Variants in MGAT4C observed in about 807,000 individuals in gnomAD.
MGAT4C encodes the protein alpha-1,3-mannosyl-glycoprotein 4-beta-N-acetylglucosaminyltransferase C.
In MGAT4C, 19 loss-of-function variants were observed where a neutral mutation model predicts 40.1. The observed-to-expected ratio is 0.47, with a 90% confidence interval of 0.33 to 0.70. The LOEUF (loss-of-function observed/expected upper bound fraction) is 0.70. Ranked by LOEUF, MGAT4C falls within the 30% of genes least tolerant of loss-of-function variation. MGAT4C has a pLI of 0.02. For missense variants in MGAT4C, 491 were observed against 563.2 expected (o/e 0.87, Z 1.30); for synonymous variants, 181 against 187.1 (o/e 0.97, Z 0.27).
chr12:86,263,510 A>C (rs561258045), intron 4 of MGAT4C, among the ~76,000 whole-genome samples: 3 of 152,078 alleles, frequency 2.0e-5, no homozygotes, highest in Non-Finnish European at 4.4e-5. Context: ...TCATAATTTC[A>C]TATTTTTTTG....
chr12:85,972,612 C>T lies in MGAT4C; in HGVS notation c.*6677G>A, dbSNP rs142158347. 3.3e-5 allele frequency: 5 copies of T among 151,056 alleles called. No homozygotes were observed. The East Asian group carries it at 5.8e-4, about 18-fold the overall frequency. 9.4% of individuals were successfully genotyped at this position (151,056 alleles called of 1,614,324 possible). The stretch of plus-strand genomic sequence containing the variant: ...AATAACTCCTGACAACTACTGATAT[C>T]GTCACATGGTCCTTTAGTGACCAAA... On this transcript the variant is annotated 3_prime_UTR_variant, in exon 5 of 5. Coordinates refer to ENST00000611864, the MANE Select transcript of MGAT4C (RefSeq NM_001351288.2).
At chr12:86,820,663 T>C (rs2136226184) in intron 1 of MGAT4C, among the ~76,000 whole-genome samples, 1 of 150,912 alleles carries the variant, frequency 6.6e-6, no homozygotes, top group African/African-American at 2.4e-5. Context: ...AATAATAAAG[T>C]GATACATAGA....
At chr12:86,106,345 G>A (rs907443017) in intron 1 of MGAT4C, among the ~76,000 whole-genome samples, 4 of 152,014 alleles carry the variant, frequency 2.6e-5, no homozygotes, top group African/African-American at 7.2e-5. Context: ...CTGTTGCCCC[G>A]GCTGGAGTGC....
At chr12:86,666,721 T>C (rs1027164367) in intron 2 of MGAT4C, among the ~76,000 whole-genome samples, 1 of 152,160 alleles carries the variant, frequency 6.6e-6, no homozygotes, top group African/African-American at 2.4e-5. Flanking sequence ...AGATTTCAAG[T>C]TTTTTTCCTG....
chr12:86,399,496 T>C (rs1406320239), intron 3 of MGAT4C, among the ~76,000 whole-genome samples: 1 of 151,902 alleles, frequency 6.6e-6, no homozygotes, highest in African/African-American at 2.4e-5. Flanking sequence ...TTAGCCAGGA[T>C]GGTCTCCATC....
chr12:86,781,986 CT>C (rs1178110112), intron 1 of MGAT4C, among the ~76,000 whole-genome samples: 2 of 151,694 alleles, frequency 1.3e-5, no homozygotes, highest in African/African-American at 4.8e-5. Context: ...TATTCATAGA[CT>C]TTTTATTTAT....
At chr12:86,319,995 G>C (rs548772146) in intron 4 of MGAT4C, among the ~76,000 whole-genome samples, 16 of 152,200 alleles carry the variant, frequency 1.1e-4, no homozygotes, top group African/African-American at 3.4e-4. Flanking sequence ...CCAGTTCCGT[G>C]GTTCTTATTG....
At chr12:86,537,916 G>A (rs1410107232) in intron 2 of MGAT4C, among the ~76,000 whole-genome samples, 7 of 152,100 alleles carry the variant, frequency 4.6e-5, no homozygotes, top group East Asian at 3.9e-4. Context: ...GCAAAACCCC[G>A]TCTCTACTAA....
Position 85,963,665 on chromosome 12 carries a change from ATAT to A in MGAT4C, c.*15621_*15623del, listed in dbSNP as rs1883224582. 1 of 152,038 alleles carries A rather than the reference ATAT, an allele frequency of 6.6e-6. No homozygotes were observed. Among genetic ancestry groups the A allele is most frequent in the Admixed American group, 6.6e-5 (1 of 15,234 alleles). The allele number at this position is 152,038 out of a possible 1,614,324, so 9.4% of individuals were successfully genotyped here. A position where few individuals can be genotyped will look rare whatever the true frequency, so the allele number is the denominator to read the frequency against. On this transcript the variant is annotated 3_prime_UTR_variant, in exon 5 of 5. Coordinates refer to ENST00000611864, the MANE Select transcript of MGAT4C (RefSeq NM_001351288.2). ...ATAGCCATTGAAAAAATCTGAACAG[ATAT>A]TATTGAGGCTCAAGGTTGTTTAATG...
chr12:86,666,745 T>C (rs930043199), intron 2 of MGAT4C, among the ~76,000 whole-genome samples: 2 of 152,194 alleles, frequency 1.3e-5, no homozygotes, highest in Non-Finnish European at 2.9e-5. Flanking sequence ...TATTATGAGT[T>C]TAGCACACCG....
intron 2 of MGAT4C, among the ~76,000 whole-genome samples, chr12:86,500,793 A>G (rs1958326768): frequency 6.6e-6 from 1 of 152,054 alleles, no homozygotes; most frequent in Admixed American, 6.6e-5. Flanking sequence ...TACAGGTCAG[A>G]ATTTTGCATT....
chr12:86,169,878 A>G (rs1315446164), intron 1 of MGAT4C, among the ~76,000 whole-genome samples: 1 of 152,238 alleles, frequency 6.6e-6, no homozygotes, highest in Non-Finnish European at 1.5e-5. Context: ...AATGAAAAGT[A>G]TATTAAAAAG....
intron 2 of MGAT4C, among the ~76,000 whole-genome samples, chr12:86,702,579 T>G (rs1465513503): frequency 6.6e-6 from 1 of 152,190 alleles, no homozygotes; most frequent in African/African-American, 2.4e-5. Flanking sequence ...CTGCATGTGC[T>G]GTATAAATGG....
intron 3 of MGAT4C, among the ~76,000 whole-genome samples, chr12:86,397,197 T>G (rs1956277961): frequency 3.9e-5 from 6 of 152,140 alleles, no homozygotes; most frequent in Admixed American, 3.9e-4. Flanking sequence ...GAAAATGAGT[T>G]TTTTTCCTTA....
At chr12:86,480,061 A>C (rs1957906754) in intron 2 of MGAT4C, among the ~76,000 whole-genome samples, 1 of 151,842 alleles carries the variant, frequency 6.6e-6, no homozygotes, top group East Asian at 1.9e-4. Flanking sequence ...TTTATGATAA[A>C]ATTTAAAATC....
intron 1 of MGAT4C, among the ~76,000 whole-genome samples, chr12:86,227,227 T>A (rs1951127345): frequency 8.1e-5 from 1 of 12,288 alleles, no homozygotes; most frequent in Admixed American, 7.2e-4. Context: ...TTAGTCTACT[T>A]TTTTTACTTT....
intron 2 of MGAT4C, among the ~76,000 whole-genome samples, chr12:86,714,477 A>G (rs947822333): frequency 6.6e-6 from 1 of 152,006 alleles, no homozygotes; most frequent in Non-Finnish European, 1.5e-5. Flanking sequence ...AGATAATTGA[A>G]TCATGAGGGT....
At chr12:86,125,841 T>A (rs898155789) in intron 1 of MGAT4C, among the ~76,000 whole-genome samples, 1 of 151,946 alleles carries the variant, frequency 6.6e-6, no homozygotes, top group South Asian at 2.1e-4. Context: ...AAGCAATGAG[T>A]GACAGCTGCA....
intron 1 of MGAT4C, among the ~76,000 whole-genome samples, chr12:86,162,006 G>A (rs546987883): frequency 6.6e-5 from 10 of 152,120 alleles, no homozygotes; most frequent in Non-Finnish European, 1.2e-4. Flanking sequence ...AGAGATGCTG[G>A]TGAGGCTGCA....
Sources: allele counts gnomAD v4.1 joint callset (sites outside exome capture counted in the v4.1 genomes callset), GRCh38; gene constraint gnomAD v4.1.1; transcripts MANE v1.5; gene names NCBI Gene and HGNC (gene_info 2026-07-23, HGNC 2026-07-21).